PAK1: variants seen among roughly 807,000 people sequenced by gnomAD.
PAK1 encodes the protein p21 (RAC1) activated kinase 1.
A neutral mutation model predicts 67.4 loss-of-function variants in PAK1; 29 were observed. The observed-to-expected ratio is 0.43, with a 90% confidence interval of 0.32 to 0.59. PAK1 has a LOEUF of 0.59. PAK1 is among the 20% of genes least tolerant of loss of function. The probability of loss-of-function intolerance (pLI) is 0.07; values close to 1 mark genes in which losing one functional copy is unlikely to be tolerated. For synonymous variants in PAK1, 223 were observed against 237.4 expected (o/e 0.94, Z 0.56); for missense variants, 337 against 670.7 (o/e 0.50, Z 5.50).
intron 1 of PAK1, among the ~76,000 whole-genome samples, chr11:77,395,689 G>C (rs539733184): frequency 1.4e-3 from 210 of 152,090 alleles, no homozygotes; most frequent in Non-Finnish European, 2.4e-3. Flanking sequence ...ATCCATCAAG[G>C]CCAAACCCTA....
At chr11:77,324,750 T>TACACACACACAC (rs142981945) in intron 14 of PAK1, among the ~76,000 whole-genome samples, 8 of 140,800 alleles carry the variant, frequency 5.7e-5, no homozygotes, top group African/African-American at 1.5e-4. Flanking sequence ...TATATATGTA[T>TACACACACACAC]ACACACACAC....
At chr11:77,401,563 C>A (rs1033023331) in intron 1 of PAK1, among the ~76,000 whole-genome samples, 1 of 152,328 alleles carries the variant, frequency 6.6e-6, no homozygotes. Flanking sequence ...CTTTCCCCCA[C>A]CTATCTTTTT....
intron 1 of PAK1, among the ~76,000 whole-genome samples, chr11:77,451,923 A>T (rs1956876619): frequency 6.6e-6 from 1 of 152,214 alleles, no homozygotes; most frequent in Non-Finnish European, 1.5e-5. Flanking sequence ...CTTTTGCTAC[A>T]GGAGCCTCAG....
intron 7 of PAK1, among the ~76,000 whole-genome samples, chr11:77,354,883 T>G (rs1337494313): frequency 6.6e-6 from 1 of 152,208 alleles, no homozygotes; most frequent in African/African-American, 2.4e-5. Flanking sequence ...TCAACCTAGT[T>G]CTTCCTTCTA....
intron 1 of PAK1, among the ~76,000 whole-genome samples, chr11:77,407,647 T>C (rs1261680705): frequency 2.0e-5 from 3 of 152,340 alleles, no homozygotes; most frequent in Middle Eastern, 6.8e-3. Context: ...GTTAAATCCC[T>C]ATTCTATAGA....
chr11:77,380,509 A>G (rs1369133571), intron 2 of PAK1, among the ~76,000 whole-genome samples: 1 of 152,150 alleles, frequency 6.6e-6, no homozygotes, highest in Non-Finnish European at 1.5e-5. Context: ...ACAAAAAACA[A>G]TAAAATAAAG....
At chr11:77,485,473 TA>T in the PAK1 span, among the ~76,000 whole-genome samples, 7 of 151,550 alleles carry the variant, frequency 4.6e-5, no homozygotes, top group East Asian at 9.8e-4. Flanking sequence ...AATTTTAAAA[TA>T]AAAAAAAATT....
intron 13 of PAK1, among the ~76,000 whole-genome samples, chr11:77,335,307 CCA>C (rs1373589974): frequency 6.6e-6 from 1 of 152,184 alleles, no homozygotes; most frequent in Admixed American, 6.5e-5. Flanking sequence ...CCCTTGAACT[CCA>C]GACTCTTAAG....
intron 7 of PAK1, 22 bp from the exon 8 acceptor site, chr11:77,353,621 T>A (rs1945585493): frequency 6.3e-7 from 1 of 1,578,114 alleles, no homozygotes; most frequent in Non-Finnish European, 8.7e-7. Context: ...ACAGAGACCA[T>A]GAATCATTTT....
At chr11:77,518,271 C>T in the PAK1 span, among the ~76,000 whole-genome samples, 1 of 151,966 alleles carries the variant, frequency 6.6e-6, no homozygotes, top group African/African-American at 2.4e-5. Flanking sequence ...GAAGGAAGGA[C>T]AAATAGATAT....
chr11:77,400,794 C>G (rs1952571892), intron 1 of PAK1, among the ~76,000 whole-genome samples: 1 of 152,210 alleles, frequency 6.6e-6, no homozygotes, highest in Non-Finnish European at 1.5e-5. Context: ...TATTTGGTAT[C>G]ATTTTTCTCA....
chr11:77,425,784 T>C (rs753056037), intron 1 of PAK1, among the ~76,000 whole-genome samples: 2 of 152,194 alleles, frequency 1.3e-5, no homozygotes, highest in Non-Finnish European at 2.9e-5. Flanking sequence ...GAGTTGACTT[T>C]CCCAAATTAT....
chr11:77,427,032 A>G (rs760286555), intron 1 of PAK1, among the ~76,000 whole-genome samples: 2 of 152,188 alleles, frequency 1.3e-5, no homozygotes, highest in African/African-American at 2.4e-5. Flanking sequence ...AGTGGGATCT[A>G]AAGAAATACA....
intron 3 of PAK1, 126 bp downstream of exon 3, chr11:77,379,768 T>C: frequency 1.4e-6 from 1 of 695,988 alleles, no homozygotes; most frequent in South Asian, 1.9e-5. Context: ...CTCATGAACG[T>C]GAGAAAATTG....
intron 1 of PAK1, among the ~76,000 whole-genome samples, chr11:77,441,803 T>C (rs190982409): frequency 3.5e-4 from 53 of 152,324 alleles, no homozygotes; most frequent in Middle Eastern, 3.4e-3. Flanking sequence ...CATTAAGTAT[T>C]GGAGATGCAC....
chr11:77,376,627 C>T (rs1949119638), intron 4 of PAK1, among the ~76,000 whole-genome samples: 1 of 151,558 alleles, frequency 6.6e-6, no homozygotes, highest in South Asian at 2.1e-4. Context: ...GTCCCAGCTA[C>T]CTGGGAGGCT....
At chr11:77,483,590 G>A in the PAK1 span, among the ~76,000 whole-genome samples, 11 of 152,204 alleles carry the variant, frequency 7.2e-5, no homozygotes, top group Admixed American at 5.9e-4. Flanking sequence ...ACTTTGTGGG[G>A]TATTGGAAAT....
chr11:77,379,135 CT>C, intron 4 of PAK1, 105 bp downstream of exon 4: 1 of 974,900 alleles, frequency 1.0e-6, no homozygotes, highest in South Asian at 1.9e-5. Flanking sequence ...CACTTCCACT[CT>C]TTCCACTACT....
At chr11:77,527,402 C>T in the PAK1 span, among the ~76,000 whole-genome samples, 1 of 152,168 alleles carries the variant, frequency 6.6e-6, no homozygotes, top group Non-Finnish European at 1.5e-5. Flanking sequence ...CGTACTGGGC[C>T]TGGGTCATTA....
Sources: allele counts gnomAD v4.1 joint callset (sites outside exome capture counted in the v4.1 genomes callset), GRCh38; gene constraint gnomAD v4.1.1; transcripts MANE v1.5; gene names NCBI Gene and HGNC (gene_info 2026-07-23, HGNC 2026-07-21).